The following HPSE2 variants were observed in gnomAD, a reference collection of about 807,000 sequenced individuals.
HPSE2 encodes inactive heparanase-2.
Under a neutral mutation model 60.5 loss-of-function variants are expected in HPSE2, and 38 were observed. That is an observed-to-expected ratio of 0.63 (90% CI 0.48 to 0.82). The LOEUF (loss-of-function observed/expected upper bound fraction) is 0.82, where lower values mean the gene tolerates loss of function less well. HPSE2 is among the 40% of genes least tolerant of loss of function. The probability of loss-of-function intolerance (pLI) is 0.00; values close to 1 mark genes in which losing one functional copy is unlikely to be tolerated. For missense variants in HPSE2, 713 were observed against 740.4 expected (o/e 0.96, Z 0.43); for synonymous variants, 295 against 293.2 (o/e 1.01, Z -0.06).
upstream of HPSE2, among the ~76,000 whole-genome samples, chr10:99,237,840 G>A (rs1052385271): frequency 9.2e-5 from 14 of 152,136 alleles, no homozygotes; most frequent in Non-Finnish European, 1.3e-4. Context: ...ACAGCCTGGC[G>A]GGCAAACACT....
At chr10:98,597,416 G>C (rs1171182695) in intron 9 of HPSE2, among the ~76,000 whole-genome samples, 1 of 151,752 alleles carries the variant, frequency 6.6e-6, no homozygotes, top group African/African-American at 2.4e-5. Context: ...TGTAATCCCA[G>C]CACTTTGGAA....
rs373702706 is a variant in HPSE2, at chr10:99,209,180, CA to C, written c.448+23167del. ...TATAAAACATTCCATCCAACAGCAGCAAAACATACATTCTTCTTGAGCACAT... is the reference window on the plus strand; with the variant it reads ...TATAAAACATTCCATCCAACAGCAGCAAACATACATTCTTCTTGAGCACAT... On this transcript the variant is annotated intron_variant, in intron 2 of 11. Coordinates refer to ENST00000370552, the MANE Select transcript of HPSE2 (RefSeq NM_021828.5). 2.3e-3 allele frequency among the ~76,000 whole-genome samples: 350 copies of C among 152,252 alleles called. 2 individuals carry two copies. Among genetic ancestry groups the C allele is most frequent in the African/African-American group, 7.8e-3 (324 of 41,546 alleles).
Position 98,567,232 on chromosome 10 carries a change from T to C in HPSE2, c.1320+47672A>G, listed in dbSNP as rs913459026. Among the ~76,000 whole-genome samples the C allele has an allele frequency of 3.3e-5, 5 of 152,220 alleles. No homozygotes were observed. The East Asian group carries it at 9.6e-4, about 29-fold the overall frequency. ...GACAGGATGAGGTGTAAGGCAGGGA[T>C]GAAGGAAGAGAGAGAAGGGCTCACA... is the stretch of plus-strand genomic sequence containing the variant. On this transcript the variant is annotated intron_variant, in intron 9 of 11. Coordinates refer to ENST00000370552, the MANE Select transcript of HPSE2 (RefSeq NM_021828.5).
At chr10:99,189,521 T>C (rs1334581989) in intron 2 of HPSE2, among the ~76,000 whole-genome samples, 1 of 152,168 alleles carries the variant, frequency 6.6e-6, no homozygotes, top group Non-Finnish European at 1.5e-5. Flanking sequence ...GAAATTCTAA[T>C]AAAGTGCTCT....
chr10:99,252,876 CAAAAA>C, the HPSE2 span, among the ~76,000 whole-genome samples: 3 of 103,848 alleles, frequency 2.9e-5, no homozygotes, highest in African/African-American at 3.5e-5. Context: ...GACTCCGTCT[CAAAAA>C]AAAAAAAAAA....
Position 99,232,374 on chromosome 10 carries a change from T to TCCGGGC in HPSE2, c.416_421dup (p.Gly139_Pro140dup), listed in dbSNP as rs761176039. On this transcript the variant is annotated inframe_insertion, in exon 2 of 12. Transcript: ENST00000370552. ...ATCCTCATAGTTTTTGAGATAGTAATCCGGGCCCGGGCCCCCGCGGCTTTT... is the reference window on the plus strand; with the variant it reads ...ATCCTCATAGTTTTTGAGATAGTAATCCGGGCCCGGGCCCGGGCCCCCGCGGCTTTT... 1.3e-4 allele frequency: 209 copies of TCCGGGC among 1,551,226 alleles called. No individual in the cohort carries two copies. Among genetic ancestry groups the TCCGGGC allele is most frequent in the Non-Finnish European group, 1.7e-4 (199 of 1,146,998 alleles).
At chr10:99,232,680 C>A (rs1468451292) in intron 1 of HPSE2, among the ~76,000 whole-genome samples, 175 bp from the exon 2 acceptor site, 1 of 152,254 alleles carries the variant, frequency 6.6e-6, no homozygotes, top group Non-Finnish European at 1.5e-5. Context: ...TGCGCCCCAG[C>A]CCGCCCTCAC....
At chr10:98,611,100 C>A (rs544386381) in intron 9 of HPSE2, among the ~76,000 whole-genome samples, 1 of 151,946 alleles carries the variant, frequency 6.6e-6, no homozygotes, top group Admixed American at 6.6e-5. Context: ...TTGGGGGGGG[C>A]CAGGGGAAGG....
In HPSE2 at chr10:98,641,194, A is replaced by G; in HGVS notation, c.1098+653T>C. On this transcript the variant is annotated intron_variant, in intron 7 of 11. Coordinates refer to ENST00000370552, the MANE Select transcript of HPSE2 (RefSeq NM_021828.5). Reference sequence around the variant, plus strand: ...AATCATTTTCTCCTTAAAGTAACCTAAAATAAACCCCTCCAAAAAAGAAAA... The same window carrying G: ...AATCATTTTCTCCTTAAAGTAACCTGAAATAAACCCCTCCAAAAAAGAAAA... Among the ~76,000 whole-genome samples, 4 of 152,326 alleles carry G rather than the reference A, an allele frequency of 2.6e-5. No homozygotes were observed. The South Asian group carries it at 8.3e-4, about 32-fold the overall frequency.
intron 3 of HPSE2, among the ~76,000 whole-genome samples, chr10:98,989,944 T>A (rs939894984): frequency 6.6e-6 from 1 of 152,178 alleles, no homozygotes; most frequent in Non-Finnish European, 1.5e-5. Flanking sequence ...GTGATGTTTG[T>A]TTTTTACTCA....
At chr10:99,263,400 G>A in the HPSE2 span, among the ~76,000 whole-genome samples, 3 of 152,134 alleles carry the variant, frequency 2.0e-5, no homozygotes, top group Non-Finnish European at 4.4e-5. Context: ...TCCATATCCT[G>A]CACCACCATG....
intron 5 of HPSE2, among the ~76,000 whole-genome samples, chr10:98,713,861 CCT>C (rs1948731359): frequency 6.6e-6 from 1 of 151,944 alleles, no homozygotes; most frequent in Admixed American, 6.6e-5. Context: ...TTCTCCTTTA[CCT>C]CTCCATTTAT....
At chr10:99,234,133 C>T (rs1481273788) in intron 1 of HPSE2, among the ~76,000 whole-genome samples, 3 of 152,242 alleles carry the variant, frequency 2.0e-5, no homozygotes, top group Non-Finnish European at 1.5e-5. Flanking sequence ...CACGAAAGAG[C>T]TTTCGAAGAG....
At chr10:98,572,691 T>A (rs1459282547) in intron 9 of HPSE2, among the ~76,000 whole-genome samples, 1 of 152,220 alleles carries the variant, frequency 6.6e-6, no homozygotes, top group African/African-American at 2.4e-5. Flanking sequence ...TTTCCTAACA[T>A]TTCCCTTTAG....
At chr10:99,022,578 C>T (rs1016622211) in intron 3 of HPSE2, among the ~76,000 whole-genome samples, 6 of 152,052 alleles carry the variant, frequency 3.9e-5, no homozygotes, top group African/African-American at 1.4e-4. Context: ...CTCAAGGCTC[C>T]GTAAGAGATC....
At chr10:98,862,183 A>G (rs542603241) in intron 3 of HPSE2, among the ~76,000 whole-genome samples, 3 of 152,264 alleles carry the variant, frequency 2.0e-5, no homozygotes, top group South Asian at 4.1e-4. Context: ...TGCAATCTTG[A>G]GCCTCAGGGG....
At chr10:98,801,120 T>C (rs1950896537) in intron 3 of HPSE2, among the ~76,000 whole-genome samples, 1 of 152,172 alleles carries the variant, frequency 6.6e-6, no homozygotes, top group Admixed American at 6.6e-5. Flanking sequence ...CATATGATCA[T>C]TTCAATTAAT....
At chr10:98,502,466 A>G (rs905147700) in intron 9 of HPSE2, among the ~76,000 whole-genome samples, 1 of 152,252 alleles carries the variant, frequency 6.6e-6, no homozygotes, top group Non-Finnish European at 1.5e-5. Context: ...ACACTTTTCA[A>G]CAAATGGTGC....
the HPSE2 span, among the ~76,000 whole-genome samples, chr10:99,252,761 C>T: frequency 3.9e-5 from 6 of 151,966 alleles, no homozygotes; most frequent in African/African-American, 1.4e-4. Context: ...CCTGTAGTCC[C>T]AGCTACTCGA....
Sources: gnomAD v4.1 joint callset for allele counts (sites outside exome capture counted in the v4.1 genomes callset) on GRCh38, gnomAD v4.1.1 for gene constraint, MANE v1.5 for transcripts, NCBI Gene and HGNC (gene_info 2026-07-23, HGNC 2026-07-21) for gene names.